CTNNA2: variants seen among roughly 807,000 people sequenced by gnomAD.
CTNNA2 encodes catenin alpha-2.
In CTNNA2, 42 loss-of-function variants were observed where a neutral mutation model predicts 101.0. That is an observed-to-expected ratio of 0.42 (90% CI 0.32 to 0.54). The LOEUF is 0.54. Among genes scored for constraint, CTNNA2 ranks in the 20% least tolerant of loss-of-function variants. The pLI is 0.14. For synonymous variants in CTNNA2, 450 were observed against 456.4 expected (o/e 0.99, Z 0.18); for missense variants, 871 against 1,223.1 (o/e 0.71, Z 4.29).
At chr2:80,324,482 A>C (rs1317430048) in intron 7 of CTNNA2, among the ~76,000 whole-genome samples, 1 of 152,224 alleles carries the variant, frequency 6.6e-6, no homozygotes, top group Non-Finnish European at 1.5e-5. Flanking sequence ...TAAAGATTTC[A>C]TGTACAACAC....
At chr2:79,732,039 G>A (rs1687231930) in intron 2 of CTNNA2, among the ~76,000 whole-genome samples, 1 of 151,878 alleles carries the variant, frequency 6.6e-6, no homozygotes, top group African/African-American at 2.4e-5. Flanking sequence ...ATATCTACCT[G>A]TTTTTGTAAG....
intron 2 of CTNNA2, among the ~76,000 whole-genome samples, chr2:79,272,680 T>C (rs1057246490): frequency 6.6e-6 from 1 of 152,114 alleles, no homozygotes; most frequent in African/African-American, 2.4e-5. Flanking sequence ...AAAATTTTGT[T>C]TTATTAAACA....
At chr2:79,187,406 G>C (rs184893503) in intron 1 of CTNNA2, among the ~76,000 whole-genome samples, 291 of 151,268 alleles carry the variant, frequency 1.9e-3, no homozygotes, top group African/African-American at 6.9e-3. Flanking sequence ...CAGCTCAAGT[G>C]ATTCTCCTGC....
At chr2:79,594,096 C>T (rs1404092700) in intron 1 of CTNNA2, among the ~76,000 whole-genome samples, 3 of 151,966 alleles carry the variant, frequency 2.0e-5, no homozygotes, top group African/African-American at 7.3e-5. Flanking sequence ...ACCATGTTGG[C>T]CAGGCTGGTC....
chr2:80,370,780 C>A (rs1675368541), intron 7 of CTNNA2, among the ~76,000 whole-genome samples: 1 of 152,150 alleles, frequency 6.6e-6, no homozygotes. Context: ...TTTTCTTACT[C>A]ATCACTAGGT....
chr2:79,934,246 C>T (rs1687637199), intron 7 of CTNNA2, among the ~76,000 whole-genome samples: 1 of 152,202 alleles, frequency 6.6e-6, no homozygotes, highest in Non-Finnish European at 1.5e-5. Context: ...AGATGAAAAT[C>T]AATTTGGCCT....
At chr2:80,111,017 A>G (rs1701178984) in intron 7 of CTNNA2, among the ~76,000 whole-genome samples, 1 of 152,164 alleles carries the variant, frequency 6.6e-6, no homozygotes. Flanking sequence ...CCTTCTTCAC[A>G]TGGTGGCAGG....
chr2:80,086,719 G>A (rs1235251365), intron 7 of CTNNA2, among the ~76,000 whole-genome samples: 2 of 151,982 alleles, frequency 1.3e-5, no homozygotes, highest in Non-Finnish European at 2.9e-5. Flanking sequence ...GTAGATTGGG[G>A]TGAAGCCTGC....
intron 1 of CTNNA2, among the ~76,000 whole-genome samples, chr2:79,521,136 ATATATATATATATATATATATATATAT>A (rs1558695109): frequency 9.2e-5 from 2 of 21,624 alleles, no homozygotes; most frequent in African/African-American, 3.7e-4. Context: ...ATATATATAT[ATATATATATATATATATATATATATAT>A]ATATAAATTT....
intron 9 of CTNNA2, among the ~76,000 whole-genome samples, chr2:80,491,731 C>A (rs1687080401): frequency 6.6e-6 from 1 of 152,092 alleles, no homozygotes; most frequent in Non-Finnish European, 1.5e-5. Context: ...CTCAAAGCTC[C>A]CCTTTCACCC....
chr2:79,454,153 T>A (rs1046348765), intron 4 of CTNNA2, among the ~76,000 whole-genome samples: 1 of 152,142 alleles, frequency 6.6e-6, no homozygotes, highest in African/African-American at 2.4e-5. Flanking sequence ...ACTCTTCATT[T>A]GCAAGATTGT....
At chr2:79,217,526 G>A (rs1439860816) in intron 2 of CTNNA2, among the ~76,000 whole-genome samples, 1 of 152,120 alleles carries the variant, frequency 6.6e-6, no homozygotes, top group Non-Finnish European at 1.5e-5. Flanking sequence ...TGCTCAGTAG[G>A]GGAGCTTTTG....
intron 7 of CTNNA2, among the ~76,000 whole-genome samples, chr2:80,148,832 C>T (rs1703510830): frequency 6.6e-6 from 1 of 152,100 alleles, no homozygotes; most frequent in South Asian, 2.1e-4. Flanking sequence ...CCACTGGACT[C>T]CTCTGTGCCC....
intron 4 of CTNNA2, among the ~76,000 whole-genome samples, chr2:79,480,346 A>G (rs1310611041): frequency 6.6e-6 from 1 of 152,156 alleles, no homozygotes; most frequent in Non-Finnish European, 1.5e-5. Flanking sequence ...ACAAACCATA[A>G]AAAACACCAA....
intron 3 of CTNNA2, among the ~76,000 whole-genome samples, chr2:79,763,251 C>T (rs901350377): frequency 1.3e-5 from 2 of 152,132 alleles, no homozygotes; most frequent in East Asian, 3.8e-4. Flanking sequence ...CAGATGCAGA[C>T]CAAGATCAAT....
intron 4 of CTNNA2, among the ~76,000 whole-genome samples, chr2:79,428,822 A>G (rs1167982351): frequency 6.6e-6 from 1 of 152,062 alleles, no homozygotes; most frequent in South Asian, 2.1e-4. Flanking sequence ...TAGACATTAC[A>G]CTAATCCTTG....
At chr2:79,847,076 C>G (rs1680285043) in intron 3 of CTNNA2, among the ~76,000 whole-genome samples, 1 of 152,132 alleles carries the variant, frequency 6.6e-6, no homozygotes, top group Admixed American at 6.5e-5. Flanking sequence ...ATAATGCAAC[C>G]TCAGCATTAG....
chr2:80,455,747 G>T (rs1293891335), intron 9 of CTNNA2, among the ~76,000 whole-genome samples: 2 of 152,204 alleles, frequency 1.3e-5, no homozygotes, highest in Non-Finnish European at 2.9e-5. Context: ...CTAAGAGAAG[G>T]CCAGTGCCAT....
chr2:80,287,854 G>A (rs150849655), intron 7 of CTNNA2, among the ~76,000 whole-genome samples: 10 of 152,248 alleles, frequency 6.6e-5, no homozygotes, highest in African/African-American at 7.2e-5. Context: ...TCACACCTTC[G>A]ATAGGGTACA....
Sources: allele counts gnomAD v4.1 joint callset (sites outside exome capture counted in the v4.1 genomes callset), GRCh38; gene constraint gnomAD v4.1.1; transcripts MANE v1.5; gene names NCBI Gene and HGNC (gene_info 2026-07-23, HGNC 2026-07-21).